PZP: variants seen among roughly 807,000 people sequenced by gnomAD.
PZP encodes the protein PZP alpha-2-macroglobulin like, also known as pregnancy zone protein.
In PZP, 150 loss-of-function variants were observed where a neutral mutation model predicts 179.8. The ratio of observed to expected loss-of-function variants is 0.83; its 90% CI spans 0.73 to 0.96. The LOEUF is 0.96. Ranked by LOEUF, PZP falls within the 40% of genes least tolerant of loss-of-function variation. The pLI, the probability that PZP is intolerant of heterozygous loss-of-function variation, is 0.00. For missense variants in PZP, 1,689 were observed against 1,764.0 expected (o/e 0.96, Z 0.76); for synonymous variants, 624 against 652.3 (o/e 0.96, Z 0.66).
chr12:9,148,321 C>T (rs1265437693), downstream of PZP, among the ~76,000 whole-genome samples: 1 of 152,154 alleles, frequency 6.6e-6, no homozygotes, highest in Non-Finnish European at 1.5e-5. Flanking sequence ...CTATAGGATG[C>T]AGGTTACTCC....
rs189244601 is a variant in PZP, at chr12:9,157,717, A to G, written c.3369+50T>C. ...CCCTTAGCAGGGTGGCATTCCAGAC[A>G]GCAAATCTACAGTTTTCATGGTAGG... On this transcript the variant is annotated intron_variant, in intron 27 of 35. Transcript: ENST00000261336. 1.7e-3 allele frequency: 2,560 copies of G among 1,538,608 alleles called. 3 individuals are homozygous for G. Among genetic ancestry groups the G allele is most frequent in the Non-Finnish European group, 2.1e-3 (2,388 of 1,111,848 alleles).
At chr12:9,155,359 A>T (rs1409055270) in intron 28 of PZP, among the ~76,000 whole-genome samples, 1 of 152,120 alleles carries the variant, frequency 6.6e-6, no homozygotes, top group Non-Finnish European at 1.5e-5. Flanking sequence ...TCCAGAGTTA[A>T]CTACTTCCAT....
intron 15 of PZP, among the ~76,000 whole-genome samples, chr12:9,174,354 C>T (rs780894868): frequency 4.6e-5 from 7 of 152,122 alleles, no homozygotes; most frequent in Non-Finnish European, 5.9e-5. Context: ...GACAAACACA[C>T]AGCCAATATC....
chr12:9,158,379 G>A (rs778968982), intron 26 of PZP, 41 bp downstream of exon 26: 5 of 1,608,476 alleles, frequency 3.1e-6, no homozygotes, highest in Non-Finnish European at 4.3e-6. Flanking sequence ...GGGATGTTAT[G>A]TTGATGTGTG....
intron 6 of PZP, 143 bp from the exon 7 acceptor site, chr12:9,200,591 A>G: frequency 1.4e-6 from 1 of 713,374 alleles, no homozygotes; most frequent in East Asian, 2.8e-5. Flanking sequence ...TAAGATGGTA[A>G]GGTTTAACAA....
In PZP at chr12:9,154,671, A is replaced by G. The variant is rs766785175; in HGVS notation, c.3719T>C (p.Ile1240Thr). The G allele has an allele frequency of 3.1e-4, 506 of 1,614,108 alleles. 3 individuals carry two copies. In the South Asian group the frequency reaches 5.4e-3, roughly 17 times the overall value. ...TSGDLTSATN[I>T]VKWIMKQQNA... The stretch of plus-strand genomic sequence containing the variant: ...CTGCTGCTTCATGATCCACTTCACA[A>G]TGTTAGTTGCAGAGGTCAGGTCCCC... The change falls in exon 29 of 36, where the codon ATT (isoleucine) becomes ACT (threonine). Residue 1240 changes from isoleucine (I) to threonine (T), a missense_variant. Ile to Thr is a moderately conservative substitution (Grantham distance 89). Transcript: ENST00000261336.
chr12:9,196,211 A>G (rs1943762752), intron 10 of PZP, 119 bp downstream of exon 10: 1 of 599,264 alleles, frequency 1.7e-6, no homozygotes, highest in Non-Finnish European at 2.9e-6. Flanking sequence ...CCTTGGTTTC[A>G]TGGTTTTTGG....
At chr12:9,175,768 C>T (rs1384650138) in intron 15 of PZP, among the ~76,000 whole-genome samples, 4 of 152,192 alleles carry the variant, frequency 2.6e-5, no homozygotes, top group African/African-American at 4.8e-5. Flanking sequence ...TACCATCTCA[C>T]ACCAGTCAGA....
In PZP at chr12:9,160,435, A is replaced by G. The variant is rs369248922; in HGVS notation, c.2928T>C (p.Tyr976=). Residue 976 remains tyrosine (Y), a synonymous_variant, in exon 24 of 36, where the codon TAT becomes TAC. Coordinates refer to ENST00000261336, the MANE Select transcript of PZP (RefSeq NM_002864.3). ...QNIQNLLQMP[Y]GCGEQNMVLF... ...GGACCATGTTCTGTTCTCCACAGCC[A>G]TATGGCATCTGGAGGAGATTTTGTA... The G allele has an allele frequency of 7.4e-6, 12 of 1,613,874 alleles. No homozygotes were observed. Among genetic ancestry groups the G allele is most frequent in the Non-Finnish European group, 1.0e-5 (12 of 1,179,820 alleles).
Position 9,192,557 on chromosome 12 carries a change from A to C in PZP, c.1437T>G (p.Asn479Lys). The change falls in exon 12 of 36, where the codon AAT becomes AAG. Residue 479 changes from asparagine (N) to lysine (K), a missense_variant. By Grantham distance (94) the Asn-to-Lys change is moderately conservative (BLOSUM62 0). This residue lies in a region of PZP where 742 missense variants were observed against 730.5 expected (regional missense o/e 1.02). Transcript: ENST00000261336. ...TETITAHYTL[N>K]RQAMGELSEL... ...CCGATAACTCTCCCATGGCCTGTCT[A>C]TTCAGTGTATAGTGTGCCGTGATAG... The C allele has an allele frequency of 2.5e-6, 4 of 1,614,164 alleles. No individual in the cohort carries two copies. Among genetic ancestry groups the C allele is most frequent in the African/African-American group, 1.3e-5 (1 of 75,020 alleles).
chr12:9,169,008 G>C (rs1416653076), intron 16 of PZP, 34 bp from the exon 17 acceptor site: 1 of 1,449,836 alleles, frequency 6.9e-7, no homozygotes, highest in South Asian at 1.1e-5. Flanking sequence ...CTACTTGTAA[G>C]CTTGATTAGA....
chr12:9,181,277 T>C, intron 14 of PZP, 145 bp from the exon 15 acceptor site: 1 of 1,064,790 alleles, frequency 9.4e-7, no homozygotes, highest in Non-Finnish European at 1.3e-6. Flanking sequence ...ACAACTTTCC[T>C]TCACTTTAAA....
intron 13 of PZP, among the ~76,000 whole-genome samples, chr12:9,190,093 A>G (rs1374728206): frequency 2.0e-5 from 3 of 152,182 alleles, no homozygotes; most frequent in African/African-American, 7.2e-5. Context: ...GCGATTCCTC[A>G]AAGAGCTAAA....
At chr12:9,174,203 A>G (rs151276320) in intron 15 of PZP, among the ~76,000 whole-genome samples, 207 of 152,360 alleles carry the variant, frequency 1.4e-3, no homozygotes, top group African/African-American at 4.7e-3. Flanking sequence ...GATTCATTAC[A>G]TAAACAGAAC....
chr12:9,187,077 C>CAAAAAAAAAA (rs59000486), intron 13 of PZP, among the ~76,000 whole-genome samples: 2 of 128,712 alleles, frequency 1.6e-5, no homozygotes, highest in African/African-American at 3.0e-5. Context: ...CAAGAAAGGT[C>CAAAAAAAAAA]AAAAAAAAAA....
At chr12:9,162,132 T>G (rs1941250554) in intron 22 of PZP, 1 of 153,762 alleles carries the variant, frequency 6.5e-6, no homozygotes, top group Non-Finnish European at 1.4e-5. Context: ...TGGCTAATTT[T>G]TGTTTTTTTC....
At chr12:9,186,036 G>A (rs1266993821) in intron 13 of PZP, among the ~76,000 whole-genome samples, 1 of 151,904 alleles carries the variant, frequency 6.6e-6, no homozygotes, top group African/African-American at 2.4e-5. Flanking sequence ...TCGATCTCCT[G>A]ACTTCATGAT....
In PZP at chr12:9,202,386, C is replaced by A. The variant is rs1405098128; in HGVS notation, c.428-15G>T. 1.2e-6 allele frequency: 2 copies of A among 1,614,058 alleles called. No homozygotes were observed. Among genetic ancestry groups the A allele is most frequent in the Non-Finnish European group, 1.7e-6 (2 of 1,180,010 alleles). ...ACGGAATCTTACTGGAAAAGTAGTTCTCCGATAAGATTCAGACATGATAAA... is the reference window on the plus strand; with the variant it reads ...ACGGAATCTTACTGGAAAAGTAGTTATCCGATAAGATTCAGACATGATAAA... On this transcript the variant is annotated splice_polypyrimidine_tract_variant and intron_variant, in intron 3 of 35. Coordinates refer to ENST00000261336, the MANE Select transcript of PZP (RefSeq NM_002864.3).
rs181301268 is a variant in PZP, at chr12:9,153,410, G to A, written c.3775-67C>T. On this transcript the variant is annotated intron_variant, in intron 29 of 35. Coordinates refer to ENST00000261336, the MANE Select transcript of PZP (RefSeq NM_002864.3). ...TTGGCATCTGGGATTTTCCCCCAAAGTCTGTGTTAGCCTACCATGAGGGAA... is the reference window on the plus strand; with the variant it reads ...TTGGCATCTGGGATTTTCCCCCAAAATCTGTGTTAGCCTACCATGAGGGAA... 79 of 1,353,616 alleles carry A rather than the reference G, an allele frequency of 5.8e-5. No homozygotes were observed. In the East Asian group the frequency reaches 1.8e-3, roughly 31 times the overall value. The allele number at this position is 1,353,616 out of a possible 1,614,324, so 83.9% of individuals were successfully genotyped here. A position where few individuals can be genotyped will look rare whatever the true frequency, so the allele number is the denominator to read the frequency against.
Sources: gnomAD v4.1 joint callset for allele counts (sites outside exome capture counted in the v4.1 genomes callset) on GRCh38, gnomAD v4.1.1 for gene constraint, gnomAD v4.1.1 regional missense constraint, MANE v1.5 for transcripts, NCBI Gene and HGNC (gene_info 2026-07-23, HGNC 2026-07-21) for gene names.